Variants in PTPRN2 observed in about 807,000 individuals in gnomAD.
PTPRN2 encodes protein tyrosine phosphatase receptor type N2, also known as receptor-type tyrosine-protein phosphatase N2.
A neutral mutation model predicts 118.8 loss-of-function variants in PTPRN2; 74 were observed. That is an observed-to-expected ratio of 0.62 (90% CI 0.52 to 0.76). The LOEUF (loss-of-function observed/expected upper bound fraction) is 0.76, where lower values mean the gene tolerates loss of function less well. Ranked by LOEUF, PTPRN2 falls within the 30% of genes least tolerant of loss-of-function variation. PTPRN2 has a pLI of 0.00. For missense variants in PTPRN2, 1,481 were observed against 1,394.4 expected, an observed-to-expected ratio of 1.06 and a Z score of -0.99; for synonymous variants, 641 against 608.0, an observed-to-expected ratio of 1.05 and a Z score of -0.80.
Position 157,583,703 on chromosome 7 carries a change from G to A in PTPRN2, c.2497-5563C>T, listed in dbSNP as rs982524165. ...GTTCGAGACTAGCCTCGCCAACATGGCAAAACCCTGTCTTTACTAAAAATA... is the reference window on the plus strand; with the variant it reads ...GTTCGAGACTAGCCTCGCCAACATGACAAAACCCTGTCTTTACTAAAAATA... On this transcript the variant is annotated intron_variant, in intron 17 of 22. Coordinates refer to ENST00000389418, the MANE Select transcript of PTPRN2 (RefSeq NM_002847.5). The surrounding 1 kb of genome is among the most constrained non-coding windows in gnomAD (Gnocchi z 5.5). 1.3e-5 allele frequency among the ~76,000 whole-genome samples: 2 copies of A among 152,216 alleles called. No individual in the cohort carries two copies. The highest frequency in any genetic ancestry group is 6.5e-5 in the Admixed American group (1 of 15,278).
At chr7:158,399,513 A>G (rs1473001371) in intron 2 of PTPRN2, among the ~76,000 whole-genome samples, 2 of 152,108 alleles carry the variant, frequency 1.3e-5, no homozygotes, top group African/African-American at 4.8e-5. Flanking sequence ...AAAATTAGCC[A>G]GGCATGGTAG....
intron 11 of PTPRN2, among the ~76,000 whole-genome samples, chr7:158,076,446 C>A (rs1812365159): frequency 3.9e-5 from 6 of 152,208 alleles, no homozygotes; most frequent in Admixed American, 3.9e-4. Flanking sequence ...GCTTGTGGAC[C>A]AATGCTGCAG....
At chr7:158,191,888 T>A (rs1381142829) in intron 5 of PTPRN2, among the ~76,000 whole-genome samples, 1 of 152,148 alleles carries the variant, frequency 6.6e-6, no homozygotes, top group Non-Finnish European at 1.5e-5. Flanking sequence ...GGAGCTTTCC[T>A]TGGATGCAGT....
At chr7:157,759,122 G>A (rs1801984381) in intron 12 of PTPRN2, among the ~76,000 whole-genome samples, 1 of 152,226 alleles carries the variant, frequency 6.6e-6, no homozygotes, top group Non-Finnish European at 1.5e-5. Flanking sequence ...CTTCAGACCT[G>A]CCTGGGGTTC....
chr7:157,563,388 C>T lies in PTPRN2; in HGVS notation c.2902+5514G>A, dbSNP rs1449240685. On this transcript the variant is annotated intron_variant, in intron 21 of 22. Transcript: ENST00000389418. Reference sequence around the variant, plus strand: ...CACCACACACAGCAGATCAGGACCACGTGGTCCCGCATCACCACACACAGC... The same window carrying T: ...CACCACACACAGCAGATCAGGACCATGTGGTCCCGCATCACCACACACAGC... Among the ~76,000 whole-genome samples the T allele has an allele frequency of 1.3e-4, 4 of 31,874 alleles. 1 individual carries two copies. Among genetic ancestry groups the T allele is most frequent in the Non-Finnish European group, 2.3e-4 (4 of 17,622 alleles). 20.9% of individuals were successfully genotyped at this position (31,874 alleles called of 152,430 possible).
At position 157,812,574 on chromosome 7, in the gene PTPRN2, G is replaced by T. The variant is rs563273102; in HGVS notation, c.1788+86099C>A. Reference sequence around the variant, plus strand: ...TTTTCTTAATGGTGAAAAGAAAGAAGTTGTCAGAGGAGACCAGAAACTCTA... The same window carrying T: ...TTTTCTTAATGGTGAAAAGAAAGAATTTGTCAGAGGAGACCAGAAACTCTA... On this transcript the variant is annotated intron_variant, in intron 12 of 22. Transcript: ENST00000389418. Among the ~76,000 whole-genome samples, 77 of 152,300 alleles carry T rather than the reference G, an allele frequency of 5.1e-4. 1 individual carries two copies. The highest frequency in any genetic ancestry group is 1.8e-3 in the African/African-American group (76 of 41,536).
At chr7:158,304,900 T>C (rs1801169843) in intron 3 of PTPRN2, among the ~76,000 whole-genome samples, 1 of 152,260 alleles carries the variant, frequency 6.6e-6, no homozygotes, top group African/African-American at 2.4e-5. Context: ...AGGGATTCTC[T>C]ACAGAATGTA....
intron 12 of PTPRN2, among the ~76,000 whole-genome samples, chr7:157,814,962 G>A (rs899654747): frequency 2.6e-5 from 4 of 152,178 alleles, no homozygotes; most frequent in Non-Finnish European, 2.9e-5. Flanking sequence ...GTGGTCACCC[G>A]TGCATGGTGA....
chr7:158,183,967 AT>A, intron 5 of PTPRN2, among the ~76,000 whole-genome samples: 1 of 152,274 alleles, frequency 6.6e-6, no homozygotes, highest in African/African-American at 2.4e-5. Flanking sequence ...AAAAATGCCC[AT>A]TTTTAATGTG....
intron 6 of PTPRN2, among the ~76,000 whole-genome samples, chr7:158,152,614 C>T (rs1422415105): frequency 6.6e-6 from 1 of 152,170 alleles, no homozygotes; most frequent in Non-Finnish European, 1.5e-5. Flanking sequence ...TCTCCACAGA[C>T]CTAGGTGAGG....
rs1824893866 is a variant in PTPRN2, at chr7:158,527,693, G to A, written c.113-37908C>T. Among the ~76,000 whole-genome samples, 4 of 152,298 alleles carry A rather than the reference G, an allele frequency of 2.6e-5. 1 individual carries two copies. The East Asian group carries it at 7.7e-4, about 29-fold the overall frequency. ...GGTGTGGGCTCCACTCTGTGGGGGG[G>A]TCTCACAGCAGCCACACAGAGCTGG... On this transcript the variant is annotated intron_variant, in intron 1 of 22. Transcript: ENST00000389418.
rs1211602285 is a variant in PTPRN2, at chr7:157,986,921, C to T, written c.1724-88184G>A. ...CGAGGGGGCCCAGTGACTTTGGGGT[C>T]ATTTGCACGGTATCAGCTATAGCCG... On this transcript the variant is annotated intron_variant, in intron 11 of 22. Coordinates refer to ENST00000389418, the MANE Select transcript of PTPRN2 (RefSeq NM_002847.5). This position sits in a 1 kb window ranked among gnomAD's most constrained non-coding sequence, Gnocchi z 4.5. Among the ~76,000 whole-genome samples, 3 of 152,150 alleles carry T rather than the reference C, an allele frequency of 2.0e-5. No individual in the cohort carries two copies. The highest frequency in any genetic ancestry group is 4.4e-5 in the Non-Finnish European group (3 of 68,034).
intron 12 of PTPRN2, among the ~76,000 whole-genome samples, chr7:157,875,029 G>A (rs1408249589): frequency 4.7e-5 from 7 of 149,810 alleles, no homozygotes; most frequent in Non-Finnish European, 7.4e-5. Context: ...ACAGACACAC[G>A]CAGACACACA....
At chr7:158,058,434 G>A (rs34344195) in intron 11 of PTPRN2, among the ~76,000 whole-genome samples, 44 of 100,118 alleles carry the variant, frequency 4.4e-4, no homozygotes, top group Middle Eastern at 7.6e-3. Flanking sequence ...ATCTGCCCAC[G>A]GTGAGACATC....
chr7:158,316,858 G>A lies in PTPRN2; in HGVS notation c.238C>T (p.Gln80Ter). ...TTCTGCAACGCCACGCGCAGGCGCT[G>A]CAGGGCCACGGGCGACACCTCGTAG... ...YRYEVSPVAL[Q>*]RLRVALQKLS... Residue 80 changes from glutamine (Q) to a stop codon, truncating the protein, a stop_gained, in exon 3 of 23, where the codon CAG becomes TAG. Coordinates refer to ENST00000389418, the MANE Select transcript of PTPRN2 (RefSeq NM_002847.5). LOFTEE classifies it high-confidence loss of function. 1 of 1,610,822 alleles carries A rather than the reference G, an allele frequency of 6.2e-7. No homozygotes were observed.
At chr7:157,649,510 G>A (rs1469180427) in intron 14 of PTPRN2, among the ~76,000 whole-genome samples, 6 of 144,584 alleles carry the variant, frequency 4.1e-5, no homozygotes, top group African/African-American at 7.6e-5. Flanking sequence ...CACTGAACTC[G>A]GTGGGTCGGA....
At chr7:158,445,250 T>A (rs947090254) in intron 2 of PTPRN2, among the ~76,000 whole-genome samples, 4 of 152,172 alleles carry the variant, frequency 2.6e-5, no homozygotes, top group African/African-American at 4.8e-5. Flanking sequence ...AAGCCTTGTG[T>A]GGCTGACTCG....
At chr7:158,161,763 G>A (rs1472162831) in intron 6 of PTPRN2, among the ~76,000 whole-genome samples, 1 of 151,972 alleles carries the variant, frequency 6.6e-6, no homozygotes, top group African/African-American at 2.4e-5. Flanking sequence ...CTAATGCTCT[G>A]CAAAAGACGC....
chr7:158,153,510 C>T (rs79782316), intron 6 of PTPRN2, among the ~76,000 whole-genome samples: 91 of 152,274 alleles, frequency 6.0e-4, no homozygotes, highest in African/African-American at 2.1e-3. Context: ...ACAGCCCACC[C>T]GTCTGTCAGC....
Sources: gnomAD v4.1 joint callset for allele counts (sites outside exome capture counted in the v4.1 genomes callset) on GRCh38, gnomAD v4.1.1 for gene constraint, Gnocchi (gnomAD v3.1) non-coding constraint, MANE v1.5 for transcripts, NCBI Gene and HGNC (gene_info 2026-07-23, HGNC 2026-07-21) for gene names.